The following PARD3 variants were observed in gnomAD, a reference collection of about 807,000 sequenced individuals.
The protein encoded by PARD3 is partitioning defective 3 homolog.
Under a neutral mutation model 155.4 loss-of-function variants are expected in PARD3, and 75 were observed. The ratio of observed to expected loss-of-function variants is 0.48; its 90% CI spans 0.40 to 0.58. The LOEUF (loss-of-function observed/expected upper bound fraction) is 0.58. Among genes scored for constraint, PARD3 ranks in the 20% least tolerant of loss-of-function variants. PARD3 has a pLI of 0.00. For synonymous variants in PARD3, 576 were observed against 610.5 expected, an observed-to-expected ratio of 0.94 and a Z score of 0.83; for missense variants, 1,642 against 1,721.7, an observed-to-expected ratio of 0.95 and a Z score of 0.82.
chr10:34,429,174 A>C (rs2075772426), intron 5 of PARD3, among the ~76,000 whole-genome samples: 1 of 152,172 alleles, frequency 6.6e-6, no homozygotes, highest in Admixed American at 6.5e-5. Flanking sequence ...AAGAAAAAGA[A>C]AATAAAATCT....
chr10:34,344,634 T>C (rs1035237157), intron 15 of PARD3: 3 of 985,344 alleles, frequency 3.0e-6, no homozygotes, highest in South Asian at 4.7e-5. Context: ...ATTAGAAAAA[T>C]GTTTAAGGCT....
At chr10:34,561,353 T>C (rs775090725) in intron 2 of PARD3, among the ~76,000 whole-genome samples, 1 of 152,150 alleles carries the variant, frequency 6.6e-6, no homozygotes, top group Non-Finnish European at 1.5e-5. Flanking sequence ...CTTTGAATTT[T>C]TGCTCTCAAT....
At chr10:34,672,804 A>T (rs1443611772) in intron 2 of PARD3, among the ~76,000 whole-genome samples, 1 of 152,246 alleles carries the variant, frequency 6.6e-6, no homozygotes, top group Non-Finnish European at 1.5e-5. Context: ...TTCCATGTTG[A>T]TCCTCCTGTA....
At chr10:34,627,114 A>C (rs2092016734) in intron 2 of PARD3, among the ~76,000 whole-genome samples, 1 of 151,210 alleles carries the variant, frequency 6.6e-6, no homozygotes, top group Admixed American at 6.6e-5. Context: ...TGCAGCCTTG[A>C]CCTCCTTGGC....
At chr10:34,135,767 A>G (rs1296257794) in intron 22 of PARD3, among the ~76,000 whole-genome samples, 1 of 152,096 alleles carries the variant, frequency 6.6e-6, no homozygotes, top group East Asian at 1.9e-4. Context: ...GTATATGAGA[A>G]CCATTCAAAG....
intron 20 of PARD3, among the ~76,000 whole-genome samples, chr10:34,287,526 A>G (rs1956458043): frequency 6.6e-6 from 1 of 152,006 alleles, no homozygotes; most frequent in Admixed American, 6.6e-5. Flanking sequence ...ATGCTCCTTT[A>G]GTAATGGTGA....
chr10:34,361,172 C>T (rs1839400217), intron 12 of PARD3, among the ~76,000 whole-genome samples: 1 of 152,172 alleles, frequency 6.6e-6, no homozygotes, highest in African/African-American at 2.4e-5. Context: ...CTGGTCATGT[C>T]CAAATCAGTA....
intron 17 of PARD3, among the ~76,000 whole-genome samples, chr10:34,337,052 A>G (rs1419318690): frequency 6.6e-6 from 1 of 152,206 alleles, no homozygotes; most frequent in African/African-American, 2.4e-5. Context: ...CATTCTCTTA[A>G]GAAAACATAT....
intron 3 of PARD3, among the ~76,000 whole-genome samples, chr10:34,502,999 T>G (rs6481900): frequency 0.1 from 15,855 of 152,056 alleles, 2,646 homozygotes; most frequent in African/African-American, 0.35. Context: ...AAATGCAGTT[T>G]TATGCCTCAG....
At chr10:34,562,417 C>A (rs1311730205) in intron 2 of PARD3, among the ~76,000 whole-genome samples, 1 of 152,018 alleles carries the variant, frequency 6.6e-6, no homozygotes, top group Non-Finnish European at 1.5e-5. Flanking sequence ...AGCCTGGCGA[C>A]AGAGTAAGAC....
At chr10:34,213,897 T>C (rs1951875247) in intron 22 of PARD3, among the ~76,000 whole-genome samples, 1 of 152,094 alleles carries the variant, frequency 6.6e-6, no homozygotes, top group Admixed American at 6.6e-5. Flanking sequence ...CTTTTTTTTG[T>C]TTCGTTTTTA....
chr10:34,778,110 G>A (rs1839815313), intron 1 of PARD3, among the ~76,000 whole-genome samples: 1 of 152,198 alleles, frequency 6.6e-6, no homozygotes. Context: ...ACATGAAATG[G>A]CGCAGCATTT....
chr10:34,533,880 A>C (rs1050482417), intron 2 of PARD3, among the ~76,000 whole-genome samples: 1 of 152,126 alleles, frequency 6.6e-6, no homozygotes, highest in African/African-American at 2.4e-5. Context: ...CATTTGCCCT[A>C]AACATCTACA....
chr10:34,193,222 TGAG>T (rs1429086251), intron 22 of PARD3, among the ~76,000 whole-genome samples: 1 of 152,234 alleles, frequency 6.6e-6, no homozygotes, highest in African/African-American at 2.4e-5. Flanking sequence ...AGCTTGCTAG[TGAG>T]GATTGCTTAT....
intron 14 of PARD3, among the ~76,000 whole-genome samples, chr10:34,350,844 G>T (rs1388748935): frequency 6.6e-6 from 1 of 152,048 alleles, no homozygotes; most frequent in Non-Finnish European, 1.5e-5. Context: ...AACAAAAATA[G>T]CTTTAGGTTG....
At chr10:34,273,263 A>C (rs1031583257) in intron 21 of PARD3, among the ~76,000 whole-genome samples, 2 of 152,180 alleles carry the variant, frequency 1.3e-5, no homozygotes, top group Non-Finnish European at 2.9e-5. Context: ...AACAAAAAAA[A>C]CAAAAAAACT....
intron 5 of PARD3, among the ~76,000 whole-genome samples, chr10:34,439,983 T>C (rs778121202): frequency 2.0e-5 from 3 of 152,034 alleles, no homozygotes; most frequent in East Asian, 1.9e-4. Context: ...AAAAATACTA[T>C]AGGGCACATA....
chr10:34,254,500 G>T (rs2133762848), intron 22 of PARD3, among the ~76,000 whole-genome samples: 1 of 151,978 alleles, frequency 6.6e-6, no homozygotes, highest in South Asian at 2.1e-4. Flanking sequence ...TTTAAAAATA[G>T]TGATGAAAGG....
At chr10:34,111,635 G>T in intron 24 of PARD3, 73 bp from the exon 25 acceptor site, 1 of 1,231,648 alleles carries the variant, frequency 8.1e-7, no homozygotes, top group Non-Finnish European at 1.1e-6. Flanking sequence ...GGGCAGGATG[G>T]GATGGAATAT....
Sources: allele counts gnomAD v4.1 joint callset (sites outside exome capture counted in the v4.1 genomes callset), GRCh38; gene constraint gnomAD v4.1.1; transcripts MANE v1.5; gene names NCBI Gene and HGNC (gene_info 2026-07-23, HGNC 2026-07-21).